The following C6orf141 variants were observed in gnomAD, a reference collection of about 807,000 sequenced individuals.
C6orf141 encodes uncharacterized protein C6orf141.
For synonymous variants in C6orf141, 164 were observed against 140.5 expected, an observed-to-expected ratio of 1.17 and a Z score of -1.18; for missense variants, 361 against 335.8, an observed-to-expected ratio of 1.07 and a Z score of -0.59.
In C6orf141 at chr6:49,551,511, A is replaced by G; in HGVS notation, c.719A>G (p.Glu240Gly). 6.4e-7 allele frequency: 1 copy of G among 1,551,086 alleles called. No individual in the cohort carries two copies. The highest frequency in any genetic ancestry group is 8.7e-7 in the Non-Finnish European group (1 of 1,146,970). ...TCACCGTCTCCAGGGACTTGGCTCG[A>G]GGAAATTAAACTCTAATGAGTAGCT... ...RVSPSPGTWLEEIKL is the reference protein window; with the variant it reads ...RVSPSPGTWLGEIKL The change falls in exon 1 of 1, where the codon GAG becomes GGG. Residue 240 changes from glutamate (E) to glycine (G), a missense_variant. Glu to Gly is a moderately conservative substitution (Grantham distance 98). Coordinates refer to ENST00000529246, the MANE Select transcript of C6orf141 (RefSeq NM_001145652.2).
Position 49,551,378 on chromosome 6 carries a change from C to A in C6orf141, c.586C>A (p.Arg196Ser). The A allele has an allele frequency of 6.4e-7, 1 of 1,551,660 alleles. No individual in the cohort carries two copies. The highest frequency in any genetic ancestry group is 8.7e-7 in the Non-Finnish European group (1 of 1,146,980). ...GCACTTCGTGACCGCGCTCACTTTT[C>A]GCAGCAGTAGAGAGGGACAGCCTGG... ...EEHFVTALTF[R>S]SSREGQPGER... Residue 196 changes from arginine (R) to serine (S), a missense_variant, in exon 1 of 1, where the codon CGC (arginine) becomes AGC (serine). Physicochemically the swap from Arg to Ser is moderately radical, Grantham distance 110. Coordinates refer to ENST00000529246, the MANE Select transcript of C6orf141 (RefSeq NM_001145652.2).
downstream of C6orf141, among the ~76,000 whole-genome samples, chr6:49,556,042 A>G (rs757291506): frequency 3.9e-5 from 6 of 152,242 alleles, no homozygotes; most frequent in Non-Finnish European, 2.9e-5. Flanking sequence ...ATATAAACAA[A>G]CATATACTGA....
At chr6:49,555,809 G>A (rs920082849), downstream of C6orf141, among the ~76,000 whole-genome samples, 32 of 151,302 alleles carry the variant, frequency 2.1e-4, no homozygotes, top group African/African-American at 5.1e-4. Context: ...CGCACCTGGC[G>A]TGCCCAGGCT....
At position 49,551,134 on chromosome 6, in the gene C6orf141, G is replaced by A; in HGVS notation, c.342G>A (p.Glu114=). The A allele has an allele frequency of 1.3e-6, 2 of 1,551,730 alleles. No homozygotes were observed. Among genetic ancestry groups the A allele is most frequent in the Non-Finnish European group, 1.7e-6 (2 of 1,146,996 alleles). ...DPAREEVAGA[E]DLPHAGGEDH... ...CACGGGAAGAGGTGGCCGGTGCAGA[G>A]GACCTTCCTCATGCGGGTGGAGAGG... Residue 114 remains glutamate (E), a synonymous_variant, in exon 1 of 1, where the codon GAG becomes GAA. Transcript: ENST00000529246.
At chr6:49,559,620 G>C (rs1437561329) in intron 4 of C6orf141, among the ~76,000 whole-genome samples, 1 of 151,992 alleles carries the variant, frequency 6.6e-6, no homozygotes, top group Non-Finnish European at 1.5e-5. Flanking sequence ...AATTTGCTTT[G>C]TGTGACCATT....
At chr6:49,560,120 C>A (rs1772996426) in intron 4 of C6orf141, among the ~76,000 whole-genome samples, 1 of 152,086 alleles carries the variant, frequency 6.6e-6, no homozygotes, top group African/African-American at 2.4e-5. Context: ...TCGAAACCAG[C>A]CTGACTAACA....
rs551522794 is a variant in C6orf141 at position 49,551,340 on chromosome 6, C to G, written c.548C>G (p.Thr183Arg). The change falls in exon 1 of 1, where the codon ACG (threonine) becomes AGG (arginine). Residue 183 changes from threonine to arginine, a missense_variant. Physicochemically the swap from Thr to Arg is moderately conservative, Grantham distance 71. Coordinates refer to ENST00000529246, the MANE Select transcript of C6orf141 (RefSeq NM_001145652.2). ...TCCTGGGCCAAGGGTCGCATGACCA[C>G]GAGGACTGAGGAGCACTTCGTGACC... is the stretch of plus-strand genomic sequence containing the variant. ...QTSWAKGRMTTRTEEHFVTAL... is the reference protein window; with the variant it reads ...QTSWAKGRMTRRTEEHFVTAL... The G allele has an allele frequency of 6.3e-5, 97 of 1,551,680 alleles. 1 individual carries two copies. In the East Asian group the frequency reaches 2.3e-3, roughly 36 times the overall value.
At chr6:49,555,198 T>C (rs1771577175), downstream of C6orf141, 1 of 152,252 alleles carries the variant, frequency 6.6e-6, no homozygotes, top group Non-Finnish European at 1.5e-5. Context: ...TTTACAACCA[T>C]GATCTCCTTT....
At chr6:49,558,457 G>A (rs1772512956) in intron 4 of C6orf141, among the ~76,000 whole-genome samples, 1 of 150,462 alleles carries the variant, frequency 6.6e-6, no homozygotes, top group Non-Finnish European at 1.5e-5. Context: ...CACTGACCAA[G>A]TCCTGACCTT....
chr6:49,559,969 C>A (rs982997645), intron 4 of C6orf141, among the ~76,000 whole-genome samples: 2 of 152,150 alleles, frequency 1.3e-5, no homozygotes, highest in African/African-American at 4.8e-5. Context: ...GTCTTTCTAT[C>A]CTAACTGGGT....
intron 4 of C6orf141, among the ~76,000 whole-genome samples, chr6:49,558,418 AAAG>A (rs1454530619): frequency 6.6e-5 from 10 of 150,890 alleles, no homozygotes; most frequent in South Asian, 2.1e-4. Flanking sequence ...AAAAAAAAAA[AAAG>A]AGAGAGAGAG....
At chr6:49,557,667 A>G (rs1772233057) in intron 4 of C6orf141, among the ~76,000 whole-genome samples, 1 of 152,118 alleles carries the variant, frequency 6.6e-6, no homozygotes, top group South Asian at 2.1e-4. Flanking sequence ...CAAACAAACA[A>G]ACAAAACTCA....
intron 4 of C6orf141, among the ~76,000 whole-genome samples, chr6:49,559,590 G>T (rs1772864869): frequency 6.6e-6 from 1 of 151,928 alleles, no homozygotes; most frequent in African/African-American, 2.4e-5. Context: ...CTTGTTCCTG[G>T]CCCAAACCCC....
rs879664416 is a variant in C6orf141 at position 49,550,914 on chromosome 6, C to T, written c.122C>T (p.Pro41Leu). 1.9e-6 allele frequency: 3 copies of T among 1,540,950 alleles called. No homozygotes were observed. Among genetic ancestry groups the T allele is most frequent in the Non-Finnish European group, 2.6e-6 (3 of 1,143,936 alleles). Residue 41 changes from proline to leucine, a missense_variant, in exon 1 of 1, where the codon CCG becomes CTG. By Grantham distance (98) the Pro-to-Leu change is moderately conservative. Coordinates refer to ENST00000529246, the MANE Select transcript of C6orf141 (RefSeq NM_001145652.2). ...CCGCGGGAGGTAGGGCGCGGGGCTC[C>T]GCTAGCTCCGGGCGCCCGGAATCCC... Reference protein sequence around the residue: ...PFPREVGRGAPLAPGARNPAT... With the variant: ...PFPREVGRGALLAPGARNPAT...
chr6:49,555,895 C>G (rs1771832250), downstream of C6orf141, among the ~76,000 whole-genome samples: 2 of 152,206 alleles, frequency 1.3e-5, no homozygotes, highest in Admixed American at 6.5e-5. Context: ...CATCAGCCAC[C>G]ATGCCTGGCC....
At chr6:49,555,544 T>C (rs1771731159), downstream of C6orf141, among the ~76,000 whole-genome samples, 1 of 136,884 alleles carries the variant, frequency 7.3e-6, no homozygotes, top group Admixed American at 8.2e-5. Flanking sequence ...AGCCTCGCTC[T>C]GTTGCCCAGG....
chr6:49,558,592 G>A (rs1021157151), intron 4 of C6orf141, among the ~76,000 whole-genome samples: 5 of 151,776 alleles, frequency 3.3e-5, no homozygotes, highest in African/African-American at 4.8e-5. Flanking sequence ...CAAGGATTAA[G>A]GTGAATAAAA....
downstream of C6orf141, among the ~76,000 whole-genome samples, chr6:49,557,071 T>A (rs1019482913): frequency 6.6e-6 from 1 of 152,088 alleles, no homozygotes; most frequent in Non-Finnish European, 1.5e-5. Context: ...CTGACCAACA[T>A]GGAGAAACCC....
intron 4 of C6orf141, among the ~76,000 whole-genome samples, chr6:49,558,168 G>T (rs1772434908): frequency 6.7e-6 from 1 of 149,378 alleles, no homozygotes; most frequent in South Asian, 2.1e-4. Context: ...CTCCCAAAGT[G>T]CTCGGATAAC....
Sources: allele counts gnomAD v4.1 joint callset (sites outside exome capture counted in the v4.1 genomes callset), GRCh38; gene constraint gnomAD v4.1.1; transcripts MANE v1.5; gene names NCBI Gene and HGNC (gene_info 2026-07-23, HGNC 2026-07-21).